The following SLC71A2 variants were observed in gnomAD, a reference collection of about 807,000 sequenced individuals.
SLC71A2 encodes hippocampus abundant transcript-like 1.
the SLC71A2 span, chr9:94,415,196 T>C: frequency 6.2e-7 from 1 of 1,614,014 alleles, no homozygotes; most frequent in Non-Finnish European, 8.5e-7. Flanking sequence ...ACCATGCTGC[T>C]ATTGTCATCT....
At chr9:94,382,269 C>T in the SLC71A2 span, among the ~76,000 whole-genome samples, 1 of 152,224 alleles carries the variant, frequency 6.6e-6, no homozygotes, top group African/African-American at 2.4e-5. Flanking sequence ...TCAAGTCGTC[C>T]ACCTGCCTCA....
chr9:94,418,053 G>A, the SLC71A2 span, among the ~76,000 whole-genome samples: 1 of 151,946 alleles, frequency 6.6e-6, no homozygotes, highest in African/African-American at 2.4e-5. Flanking sequence ...GACGACGGGA[G>A]GGTTTCACCA....
chr9:94,410,811 G>T, the SLC71A2 span, among the ~76,000 whole-genome samples: 1 of 152,116 alleles, frequency 6.6e-6, no homozygotes, highest in Non-Finnish European at 1.5e-5. Flanking sequence ...TTTCCCCCAG[G>T]CTGGAGTGCA....
the SLC71A2 span, chr9:94,458,531 T>A: frequency 6.8e-7 from 1 of 1,475,428 alleles, no homozygotes; most frequent in Admixed American, 1.8e-5. Context: ...TCTTGTGACC[T>A]TAAATTTGGA....
the SLC71A2 span, among the ~76,000 whole-genome samples, chr9:94,438,194 T>G: frequency 6.6e-6 from 1 of 152,238 alleles, no homozygotes; most frequent in African/African-American, 2.4e-5. Flanking sequence ...CGCCTCGGCC[T>G]TCCAAAGTGC....
chr9:94,432,991 T>A, the SLC71A2 span: 5 of 434,630 alleles, frequency 1.2e-5, no homozygotes, highest in Non-Finnish European at 1.8e-5. Flanking sequence ...TTTAGGTCGT[T>A]GTTGAGCTCC....
At chr9:94,375,278 T>A in the SLC71A2 span, among the ~76,000 whole-genome samples, 1 of 151,746 alleles carries the variant, frequency 6.6e-6, no homozygotes, top group African/African-American at 2.4e-5. Context: ...AGGGAGCATT[T>A]GAATCAGACC....
chr9:94,405,738 A>AT, the SLC71A2 span, among the ~76,000 whole-genome samples: 3 of 151,618 alleles, frequency 2.0e-5, no homozygotes, highest in African/African-American at 2.4e-5. Context: ...GTGTGAGATA[A>AT]TTTTTTTTCT....
At chr9:94,446,667 C>A in the SLC71A2 span, among the ~76,000 whole-genome samples, 1 of 151,844 alleles carries the variant, frequency 6.6e-6, no homozygotes, top group Admixed American at 6.6e-5. Flanking sequence ...AGACTTGTAA[C>A]TTCCTCAGAA....
chr9:94,438,877 CT>C, the SLC71A2 span, among the ~76,000 whole-genome samples: 1 of 152,120 alleles, frequency 6.6e-6, no homozygotes, highest in South Asian at 2.1e-4. Context: ...TTTTAGTTGA[CT>C]TTGTAAATAT....
chr9:94,450,502 T>G, the SLC71A2 span, among the ~76,000 whole-genome samples: 6 of 142,186 alleles, frequency 4.2e-5, 1 homozygote, highest in Non-Finnish European at 9.1e-5. Context: ...ACTTTTTTTT[T>G]TTTTTGAGAT....
chr9:94,415,232 G>A, the SLC71A2 span: 130 of 1,613,564 alleles, frequency 8.1e-5, 1 homozygote, highest in African/African-American at 1.3e-3. Context: ...CGTGGGGCCT[G>A]TTGACAACTC....
the SLC71A2 span, chr9:94,441,213 C>T: frequency 2.0e-6 from 1 of 488,544 alleles, no homozygotes; most frequent in African/African-American, 2.0e-5. Context: ...AAAGAAATAT[C>T]TGAGACTGGG....
chr9:94,394,466 A>G, the SLC71A2 span, among the ~76,000 whole-genome samples: 18 of 98,360 alleles, frequency 1.8e-4, no homozygotes, highest in African/African-American at 4.6e-4. Flanking sequence ...TTTTTTTTTC[A>G]AGATGAAGTC....
At chr9:94,431,890 C>T in the SLC71A2 span, among the ~76,000 whole-genome samples, 1 of 152,206 alleles carries the variant, frequency 6.6e-6, no homozygotes, top group African/African-American at 2.4e-5. Context: ...CTGGTTCCAG[C>T]TTCAGGAGGC....
At chr9:94,424,307 T>C in the SLC71A2 span, among the ~76,000 whole-genome samples, 1 of 152,036 alleles carries the variant, frequency 6.6e-6, no homozygotes, top group Non-Finnish European at 1.5e-5. Flanking sequence ...CGATCTCGGC[T>C]CACTGCAACC....
At chr9:94,458,120 A>G in the SLC71A2 span, among the ~76,000 whole-genome samples, 1 of 152,156 alleles carries the variant, frequency 6.6e-6, no homozygotes, top group Non-Finnish European at 1.5e-5. Flanking sequence ...TTATGATTTT[A>G]TATGTTTTAT....
the SLC71A2 span, among the ~76,000 whole-genome samples, chr9:94,450,040 C>T: frequency 2.6e-5 from 4 of 152,034 alleles, no homozygotes; most frequent in East Asian, 3.8e-4. Flanking sequence ...AGTAGACTAA[C>T]GGTTGGGGGA....
the SLC71A2 span, chr9:94,458,381 C>T: frequency 6.2e-7 from 1 of 1,613,970 alleles, no homozygotes; most frequent in Non-Finnish European, 8.5e-7. Flanking sequence ...GGGGCCAGCA[C>T]TGTATGGCTT....
Sources: gnomAD v4.1 joint callset for allele counts (sites outside exome capture counted in the v4.1 genomes callset) on GRCh38, gnomAD v4.1.1 for gene constraint, MANE v1.5 for transcripts, NCBI Gene and HGNC (gene_info 2026-07-23, HGNC 2026-07-21) for gene names.